Variants in WDFY2 observed in about 807,000 individuals in gnomAD.
The protein encoded by WDFY2 is WD repeat and FYVE domain containing 2.
WDFY2 carries 36 observed loss-of-function variants against 56.4 expected under a neutral mutation model. The ratio of observed to expected loss-of-function variants is 0.64; its 90% CI spans 0.49 to 0.84. The LOEUF is 0.84. Among genes scored for constraint, WDFY2 ranks in the 40% least tolerant of loss-of-function variants. WDFY2 has a pLI of 0.00. For missense variants in WDFY2, 444 were observed against 512.2 expected, an observed-to-expected ratio of 0.87 and a Z score of 1.29; for synonymous variants, 176 against 183.7, an observed-to-expected ratio of 0.96 and a Z score of 0.34.
At chr13:51,724,556 A>G (rs1319271402) in intron 5 of WDFY2, among the ~76,000 whole-genome samples, 1 of 152,248 alleles carries the variant, frequency 6.6e-6, no homozygotes, top group African/African-American at 2.4e-5. Flanking sequence ...TTTTTTAAAG[A>G]TTATTTTTTA....
intron 1 of WDFY2, among the ~76,000 whole-genome samples, chr13:51,609,283 C>G (rs1035723560): frequency 2.0e-5 from 3 of 152,186 alleles, no homozygotes; most frequent in African/African-American, 7.2e-5. Context: ...AAGCATGGTT[C>G]TGCCTTTTAT....
chr13:51,585,879 AG>A (rs1953927832), intron 1 of WDFY2: 1 of 396,332 alleles, frequency 2.5e-6, no homozygotes, highest in Non-Finnish European at 4.4e-6. Context: ...TTCCGCACTT[AG>A]CATAGTGTGT....
At chr13:51,714,606 A>T (rs916075751) in intron 4 of WDFY2, among the ~76,000 whole-genome samples, 1 of 152,084 alleles carries the variant, frequency 6.6e-6, no homozygotes, top group Non-Finnish European at 1.5e-5. Context: ...GAACCCTCTT[A>T]ACAGTGTTGG....
chr13:51,734,940 C>T (rs9535743), intron 6 of WDFY2, among the ~76,000 whole-genome samples: 19,006 of 152,286 alleles, frequency 0.12, 1,473 homozygotes, highest in South Asian at 0.21. Flanking sequence ...GCCCTGGGCT[C>T]TGCCCCCAGT....
intron 2 of WDFY2, among the ~76,000 whole-genome samples, chr13:51,672,714 G>T (rs1955827466): frequency 6.6e-6 from 1 of 152,094 alleles, no homozygotes; most frequent in Non-Finnish European, 1.5e-5. Flanking sequence ...TGTCATCTGT[G>T]ATTTCTTTCA....
At chr13:51,663,138 C>T (rs952655809) in intron 2 of WDFY2, among the ~76,000 whole-genome samples, 2 of 152,118 alleles carry the variant, frequency 1.3e-5, no homozygotes, top group African/African-American at 4.8e-5. Context: ...CTCTCTCTCT[C>T]TGTCTCCAAA....
chr13:51,751,547 A>T, intron 8 of WDFY2, 132 bp downstream of exon 8: 1 of 875,326 alleles, frequency 1.1e-6, no homozygotes. Context: ...GCATAAAAGG[A>T]GTTGTTTGGG....
chr13:51,643,074 A>C (rs181025988), intron 1 of WDFY2, among the ~76,000 whole-genome samples: 301 of 152,206 alleles, frequency 2.0e-3, no homozygotes, highest in Non-Finnish European at 3.2e-3. Context: ...TTTTTTTTAA[A>C]TTGTAAAATA....
At chr13:51,686,112 C>G (rs1956059008) in intron 3 of WDFY2, among the ~76,000 whole-genome samples, 1 of 152,134 alleles carries the variant, frequency 6.6e-6, no homozygotes, top group Non-Finnish European at 1.5e-5. Context: ...CATACCTTGC[C>G]TTCATATAGC....
At chr13:51,720,282 A>T (rs1341502120) in intron 5 of WDFY2, among the ~76,000 whole-genome samples, 3 of 152,204 alleles carry the variant, frequency 2.0e-5, no homozygotes, top group African/African-American at 7.2e-5. Flanking sequence ...TTATGTATAT[A>T]TATGCTAATA....
At chr13:51,621,956 T>C (rs1289566209) in intron 1 of WDFY2, among the ~76,000 whole-genome samples, 1 of 152,238 alleles carries the variant, frequency 6.6e-6, no homozygotes, top group Non-Finnish European at 1.5e-5. Context: ...TCTTAAATTT[T>C]TTTAAGCTTT....
chr13:51,621,406 G>A (rs1414014406), intron 1 of WDFY2, among the ~76,000 whole-genome samples: 3 of 152,196 alleles, frequency 2.0e-5, no homozygotes, highest in Non-Finnish European at 4.4e-5. Flanking sequence ...TTGGGAGGCT[G>A]AGGCAGGAGA....
At chr13:51,591,850 C>T (rs889442511) in intron 1 of WDFY2, 1 of 152,144 alleles carries the variant, frequency 6.6e-6, no homozygotes, top group South Asian at 2.1e-4. Context: ...CAGCCTACCC[C>T]ACCCCTGGCC....
chr13:51,670,946 C>T (rs1955796867), intron 2 of WDFY2, among the ~76,000 whole-genome samples: 1 of 152,178 alleles, frequency 6.6e-6, no homozygotes, highest in Admixed American at 6.5e-5. Context: ...GCTTAGCTCC[C>T]ACTTATGAGT....
chr13:51,747,891 G>A (rs1953140025), intron 7 of WDFY2, among the ~76,000 whole-genome samples: 1 of 152,170 alleles, frequency 6.6e-6, no homozygotes, highest in Non-Finnish European at 1.5e-5. Flanking sequence ...ACCTCTCTGG[G>A]AAATCTTAGG....
At chr13:51,595,098 G>T (rs529554232) in intron 1 of WDFY2, among the ~76,000 whole-genome samples, 1 of 152,256 alleles carries the variant, frequency 6.6e-6, no homozygotes, top group South Asian at 2.1e-4. Flanking sequence ...ACAGCCAGTG[G>T]TAAGGAGAGG....
intron 1 of WDFY2, among the ~76,000 whole-genome samples, chr13:51,601,517 C>T (rs181806043): frequency 8.6e-5 from 13 of 151,908 alleles, no homozygotes; most frequent in East Asian, 5.8e-4. Flanking sequence ...GGGGTTCAAG[C>T]GATTGTCCTG....
chr13:51,673,353 A>T (rs1192185444), intron 2 of WDFY2, among the ~76,000 whole-genome samples: 1 of 152,182 alleles, frequency 6.6e-6, no homozygotes, highest in South Asian at 2.1e-4. Flanking sequence ...GCTAAATGAT[A>T]AGGTTGTTCC....
chr13:51,649,216 C>T (rs757330289), intron 1 of WDFY2, among the ~76,000 whole-genome samples: 5 of 152,160 alleles, frequency 3.3e-5, no homozygotes, highest in Admixed American at 6.5e-5. Context: ...GCTACTTCAT[C>T]TTGGTATTTT....
Sources: allele counts gnomAD v4.1 joint callset (sites outside exome capture counted in the v4.1 genomes callset), GRCh38; gene constraint gnomAD v4.1.1; transcripts MANE v1.5; gene names NCBI Gene and HGNC (gene_info 2026-07-23, HGNC 2026-07-21).